The following PCLO variants were observed in gnomAD, a reference collection of about 807,000 sequenced individuals.
PCLO encodes protein piccolo.
In PCLO, 82 loss-of-function variants were observed where a neutral mutation model predicts 427.5. The ratio of observed to expected loss-of-function variants is 0.19; its 90% confidence interval spans 0.16 to 0.23. The LOEUF is 0.23. Among genes scored for constraint, PCLO ranks in the 10% least tolerant of loss-of-function variants. The pLI, the probability that PCLO is intolerant of heterozygous loss-of-function variation, is 1.00. For synonymous variants in PCLO, 2,357 were observed against 2,155.4 expected, an observed-to-expected ratio of 1.09 and a Z score of -2.59; for missense variants, 6,239 against 6,115.9, an observed-to-expected ratio of 1.02 and a Z score of -0.67.
In PCLO at chr7:82,764,740, G is replaced by A. The variant is rs1007679919; in HGVS notation, c.15008-3247C>T. Among the ~76,000 whole-genome samples the A allele has an allele frequency of 3.3e-5, 5 of 151,758 alleles. No individual in the cohort carries two copies. In the South Asian group the frequency reaches 6.2e-4, roughly 19 times the overall value. On this transcript the variant is annotated intron_variant, in intron 22 of 24. Coordinates refer to ENST00000333891, the MANE Select transcript of PCLO (RefSeq NM_033026.6). Reference sequence around the variant, plus strand: ...AAACTAGAAATCCATAAATCATAATGAAGACACAACAGTTATCAATATCCG... The same window carrying A: ...AAACTAGAAATCCATAAATCATAATAAAGACACAACAGTTATCAATATCCG...
intron 10 of PCLO, among the ~76,000 whole-genome samples, chr7:82,852,376 C>T (rs1009934015): frequency 1.3e-5 from 2 of 152,026 alleles, no homozygotes. Flanking sequence ...TGGGTGGGTA[C>T]CAGCTAATCA....
chr7:82,917,770 T>C (rs1447923336), intron 6 of PCLO, among the ~76,000 whole-genome samples: 1 of 151,954 alleles, frequency 6.6e-6, no homozygotes, highest in Non-Finnish European at 1.5e-5. Context: ...TTCTTTTCTT[T>C]CTATTATAAT....
intron 3 of PCLO, among the ~76,000 whole-genome samples, chr7:83,090,138 C>A (rs2116434688): frequency 6.6e-6 from 1 of 152,184 alleles, no homozygotes; most frequent in East Asian, 1.9e-4. Flanking sequence ...CCTGTCTCTA[C>A]TAAAAATACA....
intron 22 of PCLO, among the ~76,000 whole-genome samples, chr7:82,762,697 C>G (rs1790455820): frequency 6.6e-6 from 1 of 151,842 alleles, no homozygotes; most frequent in Non-Finnish European, 1.5e-5. Flanking sequence ...ATCATATTTT[C>G]CAAACCAAAA....
intron 22 of PCLO, among the ~76,000 whole-genome samples, chr7:82,793,006 C>CT (rs367844233): frequency 5.8e-4 from 85 of 147,416 alleles, no homozygotes; most frequent in Admixed American, 2.0e-3. Context: ...TTATTAATTG[C>CT]TTTTTTTTTT....
chr7:83,147,791 T>C (rs1792032383), intron 2 of PCLO, among the ~76,000 whole-genome samples: 1 of 152,208 alleles, frequency 6.6e-6, no homozygotes, highest in Non-Finnish European at 1.5e-5. Context: ...TGCATAAATG[T>C]ATGGCATAAA....
Position 82,955,243 on chromosome 7 carries a change from T to C in PCLO, c.5710A>G (p.Lys1904Glu), listed in dbSNP as rs1203829108. ...SPTDEQSIMQ[K>E]EGSQKALKSA... ...TTTAACGCCTTTTGGCTACCTTCTT[T>C]CTGCATAATAGATTGCTCATCTGTT... The change falls in exon 5 of 25, where the codon AAA (lysine) becomes GAA (glutamate). Residue 1904 changes from lysine to glutamate, a missense_variant. Coordinates refer to ENST00000333891, the MANE Select transcript of PCLO (RefSeq NM_033026.6). The C allele has an allele frequency of 5.0e-6, 8 of 1,613,866 alleles. No homozygotes were observed. The highest frequency in any genetic ancestry group is 5.9e-6 in the Non-Finnish European group (7 of 1,179,828).
At chr7:83,057,572 A>G (rs73163004) in intron 3 of PCLO, among the ~76,000 whole-genome samples, 13,620 of 149,800 alleles carry the variant, frequency 0.091, 827 homozygotes, top group Non-Finnish European at 0.13. Flanking sequence ...TATGTTAGCC[A>G]GGATGGTCTC....
In PCLO at chr7:82,754,491, T is replaced by C. The variant is rs1790277173; in HGVS notation, c.*4084A>G. ...GCACCTGAGCACGTCACCAAACAAA[T>C]ATACAGACACAATCAAACAATAATC... On this transcript the variant is annotated 3_prime_UTR_variant, in exon 25 of 25. Transcript: ENST00000333891. The C allele has an allele frequency of 6.6e-6, 1 of 152,088 alleles. No individual in the cohort carries two copies. Among genetic ancestry groups the C allele is most frequent in the Admixed American group, 6.6e-5 (1 of 15,262 alleles). The allele number at this position is 152,088 out of a possible 1,614,324, so 9.4% of individuals were successfully genotyped here. A position where few individuals can be genotyped will look rare whatever the true frequency, so the allele number is the denominator to read the frequency against.
intron 22 of PCLO, among the ~76,000 whole-genome samples, chr7:82,786,922 A>T (rs141106437): frequency 0.01 from 1,548 of 152,060 alleles, 18 homozygotes; most frequent in African/African-American, 0.035. Context: ...ACATGAACTC[A>T]TCCTTTTTTA....
intron 22 of PCLO, among the ~76,000 whole-genome samples, chr7:82,784,194 G>C (rs187583433): frequency 6.6e-6 from 1 of 152,096 alleles, no homozygotes; most frequent in African/African-American, 2.4e-5. Flanking sequence ...CTCCAATACT[G>C]TCCCACACCA....
At chr7:82,834,960 G>T (rs541105728) in intron 16 of PCLO, among the ~76,000 whole-genome samples, 2,477 of 149,664 alleles carry the variant, frequency 0.017, 58 homozygotes, top group African/African-American at 0.054. Flanking sequence ...TTTTTTGTTT[G>T]TTTGTTTGTT....
At chr7:83,145,017 T>C (rs2116650265) in intron 2 of PCLO, among the ~76,000 whole-genome samples, 1 of 152,312 alleles carries the variant, frequency 6.6e-6, no homozygotes, top group African/African-American at 2.4e-5. Flanking sequence ...ATAGGAAAGG[T>C]ACTTTACTAC....
intron 1 of PCLO, among the ~76,000 whole-genome samples, chr7:83,156,826 G>A (rs1003529133): frequency 5.3e-5 from 8 of 151,988 alleles, no homozygotes; most frequent in Non-Finnish European, 1.0e-4. Flanking sequence ...AAAAGTTATG[G>A]TCTTTTGATA....
At chr7:82,868,335 A>G in intron 10 of PCLO, 1 of 372,262 alleles carries the variant, frequency 2.7e-6, no homozygotes. Context: ...AGACTTTTTC[A>G]TGACAAGGAA....
At chr7:83,158,901 C>G (rs1480091821) in intron 1 of PCLO, among the ~76,000 whole-genome samples, 1 of 151,940 alleles carries the variant, frequency 6.6e-6, no homozygotes, top group Non-Finnish European at 1.5e-5. Flanking sequence ...GAAAAAACTG[C>G]CAATACCAAA....
intron 3 of PCLO, among the ~76,000 whole-genome samples, chr7:83,069,544 A>C (rs956520842): frequency 6.6e-6 from 1 of 152,192 alleles, no homozygotes; most frequent in African/African-American, 2.4e-5. Flanking sequence ...TTTAAGTTTT[A>C]AAGTCAAGTT....
At chr7:83,039,665 T>A (rs547806482) in intron 3 of PCLO, among the ~76,000 whole-genome samples, 2 of 152,144 alleles carry the variant, frequency 1.3e-5, no homozygotes, top group Non-Finnish European at 2.9e-5. Context: ...TCAAGCTCAT[T>A]TTGGATAATC....
intron 20 of PCLO, among the ~76,000 whole-genome samples, chr7:82,810,381 T>C (rs2048548495): frequency 1.3e-5 from 2 of 151,658 alleles, no homozygotes; most frequent in Admixed American, 6.6e-5. Context: ...AGTAATAAGA[T>C]ACATCTTTGG....
Sources: gnomAD v4.1 joint callset for allele counts (sites outside exome capture counted in the v4.1 genomes callset) on GRCh38, gnomAD v4.1.1 for gene constraint, MANE v1.5 for transcripts, NCBI Gene and HGNC (gene_info 2026-07-23, HGNC 2026-07-21) for gene names.